The following STIM1 variants were observed in gnomAD, a reference collection of about 807,000 sequenced individuals.
STIM1 encodes the protein stromal interaction molecule 1.
STIM1 carries 25 observed loss-of-function variants against 74.7 expected under a neutral mutation model. The ratio of observed to expected loss-of-function variants is 0.33; its 90% CI spans 0.24 to 0.47. The LOEUF (loss-of-function observed/expected upper bound fraction) is 0.47, where lower values mean the gene tolerates loss of function less well. Among genes scored for constraint, STIM1 ranks in the 20% least tolerant of loss-of-function variants. STIM1 has a pLI of 1.00. For missense variants in STIM1, 728 were observed against 920.8 expected (o/e 0.79, Z 2.71); for synonymous variants, 328 against 348.8 (o/e 0.94, Z 0.66).
chr11:4,016,317 C>A (rs2093896264), intron 2 of STIM1, among the ~76,000 whole-genome samples: 1 of 152,196 alleles, frequency 6.6e-6, no homozygotes, highest in Admixed American at 6.5e-5. Context: ...AGCTGCATGT[C>A]TGTTGGAGTT....
chr11:4,047,846 T>G (rs1590672318), intron 3 of STIM1, among the ~76,000 whole-genome samples: 1 of 140,592 alleles, frequency 7.1e-6, no homozygotes, highest in Non-Finnish European at 1.5e-5. Flanking sequence ...TGAGATGGAG[T>G]CTCACTCTGT....
At chr11:3,945,660 A>G (rs2093063721) in intron 1 of STIM1, among the ~76,000 whole-genome samples, 2 of 152,198 alleles carry the variant, frequency 1.3e-5, no homozygotes, top group Admixed American at 6.5e-5. Flanking sequence ...TCCCTGATTG[A>G]AACTCTGTTA....
Position 4,057,073 on chromosome 11 carries a change from A to C in STIM1, c.497+1436A>C, listed in dbSNP as rs576174629. On this transcript the variant is annotated intron_variant, in intron 4 of 12. Coordinates refer to ENST00000526596, the MANE Select transcript of STIM1 (RefSeq NM_001382567.1). ...TACTCTCTGGTGGGCCCAGAGGACA[A>C]AGAGATGTATTAGACCTGACCCCTG... Among the ~76,000 whole-genome samples the C allele has an allele frequency of 6.5e-4, 99 of 152,298 alleles. 1 individual carries two copies. Among genetic ancestry groups the C allele is most frequent in the African/African-American group, 2.3e-3 (97 of 41,558 alleles).
At chr11:3,895,658 CTTTCTTTCT>C (rs2092061766) in intron 1 of STIM1, among the ~76,000 whole-genome samples, 2 of 17,702 alleles carry the variant, frequency 1.1e-4, no homozygotes, top group Non-Finnish European at 2.4e-4. Flanking sequence ...TTCTTTCTTT[CTTTCTTTCT>C]TTCTTTCCTT....
At chr11:4,077,111 A>G (rs1032200929) in intron 7 of STIM1, among the ~76,000 whole-genome samples, 1 of 151,846 alleles carries the variant, frequency 6.6e-6, no homozygotes, top group African/African-American at 2.4e-5. Flanking sequence ...TAAAGCAGCA[A>G]AATTAAGCAG....
At chr11:3,968,112 A>C (rs1335594740) in intron 2 of STIM1, among the ~76,000 whole-genome samples, 1 of 152,242 alleles carries the variant, frequency 6.6e-6, no homozygotes, top group Non-Finnish European at 1.5e-5. Flanking sequence ...TTTATACTCT[A>C]TATGGGAAGA....
chr11:4,007,955 C>A (rs2093799291), intron 2 of STIM1, among the ~76,000 whole-genome samples: 1 of 152,108 alleles, frequency 6.6e-6, no homozygotes, highest in Admixed American at 6.6e-5. Flanking sequence ...ACCTCCATAG[C>A]TCCTTTAGCA....
intron 2 of STIM1, among the ~76,000 whole-genome samples, chr11:4,000,959 T>TGC: frequency 6.6e-6 from 1 of 152,100 alleles, no homozygotes; most frequent in South Asian, 2.1e-4. Flanking sequence ...CAGGACCCAA[T>TGC]GCGATCAACT....
At chr11:3,897,911 C>T (rs7936959) in intron 1 of STIM1, among the ~76,000 whole-genome samples, 145,033 of 151,992 alleles carry the variant, frequency 0.95, 69,203 homozygotes, top group African/African-American at 0.98. Context: ...GTCCAGTCTA[C>T]CATTGTTGGA....
intron 2 of STIM1, among the ~76,000 whole-genome samples, chr11:3,991,912 T>C (rs2093614863): frequency 7.9e-6 from 1 of 127,330 alleles, no homozygotes; most frequent in Non-Finnish European, 1.6e-5. Flanking sequence ...ATCGTGCCAT[T>C]GCACTCCAGC....
At chr11:3,856,872 T>TATTCCAAC (rs2090393878) in intron 1 of STIM1, among the ~76,000 whole-genome samples, 1 of 152,208 alleles carries the variant, frequency 6.6e-6, no homozygotes, top group African/African-American at 2.4e-5. Context: ...CAGGTGTGCC[T>TATTCCAAC]ATTCCAACAA....
intron 1 of STIM1, among the ~76,000 whole-genome samples, chr11:3,872,489 T>A (rs1017931076): frequency 1.3e-5 from 2 of 152,066 alleles, no homozygotes; most frequent in East Asian, 3.9e-4. Flanking sequence ...GTCATTAACT[T>A]GAACAAGTCT....
At chr11:3,878,979 G>A (rs568484724) in intron 1 of STIM1, among the ~76,000 whole-genome samples, 6 of 150,560 alleles carry the variant, frequency 4.0e-5, no homozygotes, top group East Asian at 1.9e-4. Context: ...TTTTTGAGAC[G>A]GAGTCTCGCC....
At chr11:3,929,488 C>T (rs144853292) in intron 1 of STIM1, among the ~76,000 whole-genome samples, 2 of 152,266 alleles carry the variant, frequency 1.3e-5, no homozygotes, top group East Asian at 1.9e-4. Flanking sequence ...GAAGCTAGTG[C>T]CAAGGGTAGT....
intron 1 of STIM1, among the ~76,000 whole-genome samples, chr11:3,905,375 T>C (rs1036063013): frequency 3.3e-5 from 5 of 151,974 alleles, no homozygotes; most frequent in Non-Finnish European, 5.9e-5. Flanking sequence ...AAAGATTTTT[T>C]TTTTTTTTTA....
intron 1 of STIM1, among the ~76,000 whole-genome samples, chr11:3,890,155 G>A (rs913833344): frequency 4.6e-5 from 7 of 151,942 alleles, no homozygotes; most frequent in African/African-American, 1.7e-4. Flanking sequence ...TTAGATATCT[G>A]ACCTAGGCCA....
chr11:4,028,852 A>G (rs1007337981), intron 3 of STIM1, among the ~76,000 whole-genome samples: 2 of 152,142 alleles, frequency 1.3e-5, no homozygotes, highest in African/African-American at 4.8e-5. Flanking sequence ...TTGCCATAGT[A>G]GTTGTTTCCA....
intron 2 of STIM1, among the ~76,000 whole-genome samples, chr11:3,972,516 A>T (rs555081932): frequency 6.6e-6 from 1 of 152,038 alleles, no homozygotes; most frequent in East Asian, 1.9e-4. Flanking sequence ...TACATTTAGC[A>T]ATCAACAGCA....
chr11:4,036,711 TTC>T (rs1488533354), intron 3 of STIM1, among the ~76,000 whole-genome samples: 2 of 152,242 alleles, frequency 1.3e-5, no homozygotes, highest in East Asian at 1.9e-4. Context: ...TGTTTATTTT[TTC>T]TTTGTATATT....
Sources: gnomAD v4.1 joint callset for allele counts (sites outside exome capture counted in the v4.1 genomes callset) on GRCh38, gnomAD v4.1.1 for gene constraint, MANE v1.5 for transcripts, NCBI Gene and HGNC (gene_info 2026-07-23, HGNC 2026-07-21) for gene names.